Variants in SLIT3 observed in about 807,000 individuals in gnomAD.
SLIT3 encodes the protein slit guidance ligand 3, also known as slit homolog 3 protein.
SLIT3 carries 68 observed loss-of-function variants against 184.0 expected under a neutral mutation model. The observed-to-expected ratio is 0.37, with a 90% CI of 0.30 to 0.45. The LOEUF is 0.45. Ranked by LOEUF, SLIT3 falls within the 20% of genes least tolerant of loss-of-function variation. The probability of loss-of-function intolerance (pLI) is 1.00; values close to 1 mark genes in which losing one functional copy is unlikely to be tolerated. For missense variants in SLIT3, 1,707 were observed against 2,026.0 expected (o/e 0.84, Z 3.02); for synonymous variants, 831 against 828.6 (o/e 1.00, Z -0.05).
At chr5:169,101,704 C>T (rs1340345586) in intron 4 of SLIT3, among the ~76,000 whole-genome samples, 1 of 152,234 alleles carries the variant, frequency 6.6e-6, no homozygotes, top group African/African-American at 2.4e-5. Context: ...TCCTGCCACT[C>T]GCTACCCCTC....
At chr5:168,783,918 G>T (rs1280074342) in intron 12 of SLIT3, among the ~76,000 whole-genome samples, 2 of 152,182 alleles carry the variant, frequency 1.3e-5, no homozygotes, top group African/African-American at 4.8e-5. Flanking sequence ...TCAAAATGGT[G>T]ACAGTAAACT....
intron 1 of SLIT3, among the ~76,000 whole-genome samples, chr5:169,295,018 T>C (rs1767458466): frequency 1.3e-5 from 2 of 152,130 alleles, no homozygotes; most frequent in Admixed American, 6.5e-5. Flanking sequence ...TCTGGGTGAG[T>C]CAGTGAGTGA....
At chr5:168,751,449 T>C (rs1023387814) in intron 18 of SLIT3, among the ~76,000 whole-genome samples, 6 of 152,186 alleles carry the variant, frequency 3.9e-5, no homozygotes, top group African/African-American at 7.2e-5. Context: ...TTTACAAGCA[T>C]CACCACATTC....
chr5:169,005,326 C>T (rs1755877952), intron 4 of SLIT3, among the ~76,000 whole-genome samples: 1 of 152,238 alleles, frequency 6.6e-6, no homozygotes, highest in African/African-American at 2.4e-5. Flanking sequence ...CTGACTACAA[C>T]AGCCTCTGAG....
chr5:168,774,164 GT>G, intron 13 of SLIT3, 70 bp downstream of exon 13: 3 of 1,472,702 alleles, frequency 2.0e-6, no homozygotes, highest in Non-Finnish European at 2.8e-6. Context: ...TCATTTGGGT[GT>G]TTTTCATGAT....
At chr5:169,039,305 G>GT (rs1248146030) in intron 4 of SLIT3, among the ~76,000 whole-genome samples, 12 of 141,670 alleles carry the variant, frequency 8.5e-5, no homozygotes, top group Non-Finnish European at 1.8e-4. Flanking sequence ...TAAGAGTTAA[G>GT]TTTTTTTTTG....
intron 6 of SLIT3, among the ~76,000 whole-genome samples, chr5:168,838,381 A>AGTAAAGATGCTCAAAAATAAAGCAT (rs1360180253): frequency 1.3e-4 from 20 of 152,214 alleles, no homozygotes; most frequent in Non-Finnish European, 2.8e-4. Flanking sequence ...CTGACTTATC[A>AGTAAAGATGCTCAAAAATAAAGCAT]CAGTACCTAA....
intron 1 of SLIT3, among the ~76,000 whole-genome samples, chr5:169,294,210 G>A (rs1767436096): frequency 6.6e-6 from 1 of 150,654 alleles, no homozygotes; most frequent in Non-Finnish European, 1.5e-5. Flanking sequence ...GCAGACATGG[G>A]AAGTCAGTAA....
At position 168,931,663 on chromosome 5, in the gene SLIT3, C is replaced by T. The variant is rs528881218; in HGVS notation, c.414-48327G>A. ...CCGGAGGGTGGGTCAGGCAATCTCACGGCTGCAGGCCCAGCCTCCCAGCTT... is the reference window on the plus strand; with the variant it reads ...CCGGAGGGTGGGTCAGGCAATCTCATGGCTGCAGGCCCAGCCTCCCAGCTT... On this transcript the variant is annotated intron_variant, in intron 4 of 35. Coordinates refer to ENST00000519560, the MANE Select transcript of SLIT3 (RefSeq NM_003062.4). Among the ~76,000 whole-genome samples, 7 of 152,316 alleles carry T rather than the reference C, an allele frequency of 4.6e-5. 1 individual carries two copies. In the South Asian group the frequency reaches 1.0e-3, roughly 23 times the overall value.
intron 4 of SLIT3, among the ~76,000 whole-genome samples, chr5:168,952,175 A>T (rs970041110): frequency 6.6e-6 from 1 of 152,234 alleles, no homozygotes; most frequent in African/African-American, 2.4e-5. Flanking sequence ...ATATTTTAAA[A>T]GTGGTGTTGG....
intron 4 of SLIT3, among the ~76,000 whole-genome samples, chr5:168,889,024 GC>G (rs1162967973): frequency 1.3e-5 from 2 of 152,032 alleles, no homozygotes; most frequent in Non-Finnish European, 2.9e-5. Flanking sequence ...CTTTCTTCCT[GC>G]CCCCTGAACC....
chr5:169,257,610 G>C (rs370864285), intron 1 of SLIT3, among the ~76,000 whole-genome samples: 3 of 120,116 alleles, frequency 2.5e-5, no homozygotes, highest in African/African-American at 1.0e-4. Context: ...GCAGTGGCAC[G>C]ATCTTGGCTC....
chr5:169,138,296 T>C (rs73315637), intron 4 of SLIT3, among the ~76,000 whole-genome samples: 4,842 of 152,266 alleles, frequency 0.032, 273 homozygotes, highest in African/African-American at 0.11. Context: ...CAATGACTGG[T>C]GGACGGAAAA....
At chr5:168,890,918 T>C (rs1760431484) in intron 4 of SLIT3, among the ~76,000 whole-genome samples, 1 of 152,238 alleles carries the variant, frequency 6.6e-6, no homozygotes, top group Admixed American at 6.5e-5. Flanking sequence ...ATGGGTGGAA[T>C]GATGATTGCA....
At chr5:168,669,371 G>A (rs866622036) in intron 35 of SLIT3, among the ~76,000 whole-genome samples, 12 of 152,150 alleles carry the variant, frequency 7.9e-5, no homozygotes, top group African/African-American at 2.2e-4. Context: ...GGGACCTCCC[G>A]CCAACACCCA....
intron 4 of SLIT3, among the ~76,000 whole-genome samples, chr5:168,979,488 C>T (rs1043411935): frequency 1.1e-4 from 16 of 152,218 alleles, no homozygotes; most frequent in Non-Finnish European, 2.1e-4. Flanking sequence ...AGGAGGAACT[C>T]CTTTTTTTCT....
chr5:168,998,622 T>C (rs62378630), intron 4 of SLIT3, among the ~76,000 whole-genome samples: 5,316 of 152,142 alleles, frequency 0.035, 116 homozygotes, highest in Middle Eastern at 0.051. Context: ...GAGAATCGCT[T>C]GAACCCGAGA....
At chr5:168,771,187 G>T (rs1021790479) in intron 14 of SLIT3, among the ~76,000 whole-genome samples, 1 of 152,172 alleles carries the variant, frequency 6.6e-6, no homozygotes, top group African/African-American at 2.4e-5. Flanking sequence ...GCCAAGGTTG[G>T]CGTGAGTCAT....
At chr5:168,942,248 G>A (rs934278320) in intron 4 of SLIT3, among the ~76,000 whole-genome samples, 1 of 152,136 alleles carries the variant, frequency 6.6e-6, no homozygotes, top group Admixed American at 6.5e-5. Flanking sequence ...AAATGAAAAT[G>A]CTGGGAGCCA....
Sources: gnomAD v4.1 joint callset for allele counts (sites outside exome capture counted in the v4.1 genomes callset) on GRCh38, gnomAD v4.1.1 for gene constraint, MANE v1.5 for transcripts, NCBI Gene and HGNC (gene_info 2026-07-23, HGNC 2026-07-21) for gene names.